Variants in SUPT3H observed in about 807,000 individuals in gnomAD.
The protein encoded by SUPT3H is transcription initiation protein SPT3 homolog.
In SUPT3H, 44 loss-of-function variants were observed where a neutral mutation model predicts 44.3. The observed-to-expected ratio is 0.99, with a 90% CI of 0.78 to 1.28. The LOEUF (loss-of-function observed/expected upper bound fraction) is 1.28. Among genes scored for constraint, SUPT3H ranks in the 50% most tolerant of loss-of-function variants. The probability of loss-of-function intolerance (pLI) is 0.00; values close to 1 mark genes in which losing one functional copy is unlikely to be tolerated. For synonymous variants in SUPT3H, 124 were observed against 125.6 expected (o/e 0.99, Z 0.09); for missense variants, 380 against 387.1 (o/e 0.98, Z 0.15).
At chr6:44,993,923 C>T (rs1169632318) in intron 6 of SUPT3H, among the ~76,000 whole-genome samples, 1 of 152,094 alleles carries the variant, frequency 6.6e-6, no homozygotes. Context: ...TTGCAAACCA[C>T]ACTGAAGCTA....
In SUPT3H at chr6:45,095,142, A is replaced by G. The variant is rs1797629045; in HGVS notation, c.186+10780T>C. On this transcript the variant is annotated intron_variant, in intron 3 of 10. Transcript: ENST00000371459. This position sits in a 1 kb window ranked among gnomAD's most constrained non-coding sequence, Gnocchi z 4.1. The stretch of plus-strand genomic sequence containing the variant: ...ACATATACATGCTCTGGCTTAGTAC[A>G]AAGTATGAACGTTTAGTTAGCAAGA... Among the ~76,000 whole-genome samples the G allele has an allele frequency of 6.6e-6, 1 of 152,146 alleles. No homozygotes were observed. The highest frequency in any genetic ancestry group is 2.1e-4 in the South Asian group (1 of 4,836).
At chr6:45,329,148 T>C (rs933742347) in intron 2 of SUPT3H, among the ~76,000 whole-genome samples, 1 of 152,000 alleles carries the variant, frequency 6.6e-6, no homozygotes, top group African/African-American at 2.4e-5. Context: ...TTATAAATTA[T>C]TGACTCCGGC....
chr6:45,284,079 G>T lies in SUPT3H; in HGVS notation c.101+81122C>A, dbSNP rs566908757. The stretch of plus-strand genomic sequence containing the variant: ...AGACACAATGTACCAGAATCTCTGG[G>T]ACACATTCAAAGCAGTGTGTAGAGG... On this transcript the variant is annotated intron_variant, in intron 2 of 10. Coordinates refer to ENST00000371459, the MANE Select transcript of SUPT3H (RefSeq NM_003599.4). 2.0e-5 allele frequency among the ~76,000 whole-genome samples: 3 copies of T among 152,208 alleles called. No individual in the cohort carries two copies. The South Asian group carries it at 6.2e-4, about 32-fold the overall frequency.
At chr6:44,898,988 C>G (rs561037925) in intron 10 of SUPT3H, 4 of 152,200 alleles carry the variant, frequency 2.6e-5, no homozygotes, top group African/African-American at 7.2e-5. Flanking sequence ...ACTCTGCCCC[C>G]CTCCCTGATT....
At chr6:45,281,247 G>A (rs1043467776) in intron 2 of SUPT3H, among the ~76,000 whole-genome samples, 3 of 152,210 alleles carry the variant, frequency 2.0e-5, no homozygotes, top group African/African-American at 7.2e-5. Flanking sequence ...AGTGGGGACA[G>A]GACAGTGGGT....
At chr6:45,289,285 TAAAA>T (rs1457195927) in intron 2 of SUPT3H, among the ~76,000 whole-genome samples, 1 of 151,984 alleles carries the variant, frequency 6.6e-6, no homozygotes, top group Non-Finnish European at 1.5e-5. Context: ...GTATTATAAA[TAAAA>T]AAGAACCGTA....
Position 44,843,578 on chromosome 6 carries a change from TTATTTC to T in SUPT3H, c.913-13727_913-13722del, listed in dbSNP as rs564781202. ...AATCAACACCAGAAAAAAATAAACT[TTATTTC>T]TATATCTAGCAGTGAACAAGAAGAA... On this transcript the variant is annotated intron_variant, in intron 10 of 10. Transcript: ENST00000371459. Among the ~76,000 whole-genome samples, 61 of 152,176 alleles carry T rather than the reference TTATTTC, an allele frequency of 4.0e-4. 1 individual carries two copies. The East Asian group carries it at 0.01, about 25-fold the overall frequency.
intron 3 of SUPT3H, among the ~76,000 whole-genome samples, chr6:45,103,667 CTAAAGGCCCTG>C (rs1006218590): frequency 1.2e-4 from 19 of 152,160 alleles, no homozygotes; most frequent in African/African-American, 4.3e-4. Flanking sequence ...TGGAGAAACA[CTAAAGGCCCTG>C]AAAGTCTTGT....
chr6:45,098,882 T>C (rs903188318), intron 3 of SUPT3H: 13 of 546,706 alleles, frequency 2.4e-5, no homozygotes, highest in Admixed American at 9.6e-5. Context: ...GATAAGTTGA[T>C]TGTCAATGGC....
At chr6:45,014,474 G>T (rs1783948566) in intron 5 of SUPT3H, among the ~76,000 whole-genome samples, 1 of 152,032 alleles carries the variant, frequency 6.6e-6, no homozygotes, top group African/African-American at 2.4e-5. Flanking sequence ...CACAAAGAAA[G>T]CAGAGAACTG....
Position 45,296,757 on chromosome 6 carries a change from A to AAAAAAAAAAAAAAAAAAAAAAAC in SUPT3H, c.101+68443_101+68444insGTTTTTTTTTTTTTTTTTTTTTT, listed in dbSNP as rs1781323895. Among the ~76,000 whole-genome samples, 2 of 148,430 alleles carry AAAAAAAAAAAAAAAAAAAAAAAC rather than the reference A, an allele frequency of 1.3e-5. 1 individual carries two copies. The highest frequency in any genetic ancestry group is 3.0e-5 in the Non-Finnish European group (2 of 67,090). On this transcript the variant is annotated intron_variant, in intron 2 of 10. Coordinates refer to ENST00000371459, the MANE Select transcript of SUPT3H (RefSeq NM_003599.4). ...CTGTCTCAAAAAAAAAAAAAAAAAA[A>AAAAAAAAAAAAAAAAAAAAAAAC]AAAAAAATTACAAATAGGGTGCAGC...
At chr6:45,171,921 G>A (rs894833036) in intron 2 of SUPT3H, among the ~76,000 whole-genome samples, 3 of 148,268 alleles carry the variant, frequency 2.0e-5, no homozygotes, top group Non-Finnish European at 4.5e-5. Context: ...TTTCACCATG[G>A]TGGCCTGGCT....
At chr6:45,060,578 C>T (rs1300565537) in intron 3 of SUPT3H, among the ~76,000 whole-genome samples, 2 of 151,726 alleles carry the variant, frequency 1.3e-5, no homozygotes, top group African/African-American at 2.4e-5. Context: ...TCAACAAAAG[C>T]CAAAATTGAC....
intron 10 of SUPT3H, among the ~76,000 whole-genome samples, 173 bp from the exon 11 acceptor site, chr6:44,830,030 T>A (rs1479083150): frequency 6.6e-6 from 1 of 152,198 alleles, no homozygotes; most frequent in African/African-American, 2.4e-5. Context: ...ATTCTGTCTA[T>A]TAAAAAGTCA....
At chr6:45,216,119 C>A (rs907786767) in intron 2 of SUPT3H, among the ~76,000 whole-genome samples, 1 of 152,044 alleles carries the variant, frequency 6.6e-6, no homozygotes, top group Non-Finnish European at 1.5e-5. Context: ...TATACACATT[C>A]CCAGACTAGA....
Position 45,120,857 on chromosome 6 carries a change from T to C in SUPT3H, c.102-14851A>G, listed in dbSNP as rs2396424. ...CATAGAAATTTCTCAGGTTCTGAGA[T>C]AAAGTTCAGGAATAATTGTACTAAA... On this transcript the variant is annotated intron_variant, in intron 2 of 10. Transcript: ENST00000371459. 2.7e-3 allele frequency among the ~76,000 whole-genome samples: 412 copies of C among 152,258 alleles called. 2 individuals are homozygous for C. The highest frequency in any genetic ancestry group is 4.9e-3 in the Non-Finnish European group (335 of 67,996).
At chr6:45,121,996 T>C (rs1202089494) in intron 2 of SUPT3H, among the ~76,000 whole-genome samples, 1 of 151,218 alleles carries the variant, frequency 6.6e-6, no homozygotes, top group Non-Finnish European at 1.5e-5. Context: ...TTTAAAACTC[T>C]GAGTAAAGAA....
intron 9 of SUPT3H, among the ~76,000 whole-genome samples, chr6:44,939,875 G>A (rs1772116867): frequency 7.0e-6 from 1 of 141,848 alleles, no homozygotes. Flanking sequence ...ACAATCTTTT[G>A]TATGTTTGTG....
At chr6:45,285,896 G>A (rs1385846648) in intron 2 of SUPT3H, among the ~76,000 whole-genome samples, 1 of 152,008 alleles carries the variant, frequency 6.6e-6, no homozygotes, top group East Asian at 1.9e-4. Flanking sequence ...CCAAAACAGA[G>A]GATATAGACC....
Sources: gnomAD v4.1 joint callset for allele counts (sites outside exome capture counted in the v4.1 genomes callset) on GRCh38, gnomAD v4.1.1 for gene constraint, Gnocchi (gnomAD v3.1) non-coding constraint, MANE v1.5 for transcripts, NCBI Gene and HGNC (gene_info 2026-07-23, HGNC 2026-07-21) for gene names.